Variants in PLCL2 observed in about 807,000 individuals in gnomAD.
PLCL2 encodes the protein phospholipase C like 2.
In PLCL2, 4 loss-of-function variants were observed where a neutral mutation model predicts 79.6. The ratio of observed to expected loss-of-function variants is 0.05; its 90% CI spans 0.02 to 0.11. The LOEUF (loss-of-function observed/expected upper bound fraction) is 0.11. Ranked by LOEUF, PLCL2 falls within the 10% of genes least tolerant of loss-of-function variation. The pLI is 1.00. For missense variants in PLCL2, 895 were observed against 1,291.0 expected, an observed-to-expected ratio of 0.69 and a Z score of 4.70; for synonymous variants, 484 against 457.7, an observed-to-expected ratio of 1.06 and a Z score of -0.73.
intron 1 of PLCL2, among the ~76,000 whole-genome samples, chr3:16,971,403 T>C (rs1169471400): frequency 6.6e-6 from 1 of 152,214 alleles, no homozygotes; most frequent in Admixed American, 6.5e-5. Flanking sequence ...GAGGGCTCTG[T>C]TCTGTTCCAT....
chr3:16,885,349 C>A lies in PLCL2; in HGVS notation c.310C>A (p.Arg104=). The A allele has an allele frequency of 1.5e-6, 1 of 651,026 alleles. No individual in the cohort carries two copies. Among genetic ancestry groups the A allele is most frequent in the Non-Finnish European group, 2.8e-6 (1 of 360,802 alleles). The allele number at this position is 651,026 out of a possible 1,614,324, so 40.3% of individuals were successfully genotyped here. A position where few individuals can be genotyped will look rare whatever the true frequency, so the allele number is the denominator to read the frequency against. ...GAGCAAGCCGGGCGGCCTGCCCCGCCGGAGCAGCATCATCAAGGTAGGTGG... is the reference window on the plus strand; with the variant it reads ...GAGCAAGCCGGGCGGCCTGCCCCGCAGGAGCAGCATCATCAAGGTAGGTGG... ...RESKPGGLPR[R]SSIIKDGTKQ... Residue 104 remains arginine (R), a synonymous_variant, in exon 1 of 6, where the codon CGG becomes AGG. Coordinates refer to ENST00000615277, the MANE Select transcript of PLCL2 (RefSeq NM_001144382.2).
chr3:16,990,114 C>T (rs1022956891), intron 1 of PLCL2, among the ~76,000 whole-genome samples: 2 of 141,388 alleles, frequency 1.4e-5, no homozygotes, highest in Admixed American at 7.1e-5. Context: ...ATGAGGATGA[C>T]GATGACGATG....
intron 3 of PLCL2, among the ~76,000 whole-genome samples, chr3:17,018,831 C>T (rs1008207494): frequency 1.6e-4 from 25 of 152,178 alleles, no homozygotes; most frequent in Non-Finnish European, 3.5e-4. Flanking sequence ...AAGCTCTTAG[C>T]ACGTGCACTG....
chr3:17,033,904 G>C (rs1473757098), intron 3 of PLCL2, among the ~76,000 whole-genome samples: 1 of 152,036 alleles, frequency 6.6e-6, no homozygotes, highest in Non-Finnish European at 1.5e-5. Flanking sequence ...AAATTTTTTA[G>C]TGTTGTGCCC....
At chr3:16,962,172 G>C (rs146437628) in intron 1 of PLCL2, among the ~76,000 whole-genome samples, 1 of 152,244 alleles carries the variant, frequency 6.6e-6, no homozygotes, top group East Asian at 1.9e-4. Context: ...ATAGACAGTT[G>C]AAAGAATAAA....
At chr3:17,086,140 A>G (rs2065217757) in intron 5 of PLCL2, among the ~76,000 whole-genome samples, 1 of 152,246 alleles carries the variant, frequency 6.6e-6, no homozygotes, top group African/African-American at 2.4e-5. Flanking sequence ...CCAACACAAT[A>G]TTAAAGGAGA....
Position 17,010,698 on chromosome 3 carries a change from G to A in PLCL2, c.1352G>A (p.Arg451Gln), listed in dbSNP as rs955480597. The A allele has an allele frequency of 1.2e-6, 2 of 1,614,086 alleles. No homozygotes were observed. Among genetic ancestry groups the A allele is most frequent in the Non-Finnish European group, 8.5e-7 (1 of 1,179,998 alleles). Residue 451 changes from arginine to glutamine, a missense_variant, in exon 2 of 6, where the codon CGA becomes CAA. Arg to Gln is a conservative substitution (Grantham distance 43, BLOSUM62 1). Coordinates refer to ENST00000615277, the MANE Select transcript of PLCL2 (RefSeq NM_001144382.2). The surrounding 1 kb of genome is among the most constrained non-coding windows in gnomAD (Gnocchi z 5.8). Reference protein sequence around the residue: ...HNTYLIEDQFRGPSDITGYIR... With the variant: ...HNTYLIEDQFQGPSDITGYIR... ...ACATACTTAATAGAGGATCAGTTCC[G>A]AGGTCCCTCCGACATCACAGGATAT...
At chr3:16,970,151 G>A (rs1400423091) in intron 1 of PLCL2, among the ~76,000 whole-genome samples, 1 of 151,498 alleles carries the variant, frequency 6.6e-6, no homozygotes, top group Non-Finnish European at 1.5e-5. Flanking sequence ...ATGCTGGTAT[G>A]CTGCACCCAT....
intron 1 of PLCL2, among the ~76,000 whole-genome samples, chr3:16,980,864 G>C (rs908798999): frequency 1.3e-4 from 20 of 152,230 alleles, no homozygotes; most frequent in African/African-American, 4.8e-4. Flanking sequence ...CTGAGTGAAC[G>C]AGACTCCGTC....
chr3:16,904,236 C>T (rs994812545), intron 1 of PLCL2, among the ~76,000 whole-genome samples: 1 of 150,202 alleles, frequency 6.7e-6, no homozygotes, highest in Non-Finnish European at 1.5e-5. Context: ...GTTGACTGCC[C>T]GCACAGTTGT....
At chr3:16,980,490 C>T (rs1380446562) in intron 1 of PLCL2, among the ~76,000 whole-genome samples, 2 of 150,520 alleles carry the variant, frequency 1.3e-5, no homozygotes, top group Non-Finnish European at 3.0e-5. Context: ...CTCCTCACAT[C>T]CCGGACGGGG....
intron 1 of PLCL2, among the ~76,000 whole-genome samples, chr3:16,920,797 A>T (rs964914532): frequency 1.3e-5 from 2 of 152,212 alleles, no homozygotes; most frequent in Non-Finnish European, 2.9e-5. Flanking sequence ...TACAACCACT[A>T]CTACGTGAGA....
At chr3:16,911,881 T>C (rs1229678812) in intron 1 of PLCL2, among the ~76,000 whole-genome samples, 1 of 152,238 alleles carries the variant, frequency 6.6e-6, no homozygotes, top group Non-Finnish European at 1.5e-5. Context: ...AACAGCACCT[T>C]TGCTTTCAGT....
intron 3 of PLCL2, among the ~76,000 whole-genome samples, chr3:17,037,174 CA>C (rs2064666940): frequency 6.6e-6 from 1 of 152,120 alleles, no homozygotes; most frequent in Admixed American, 6.6e-5. Context: ...CCCTGGAGTC[CA>C]GAGAAGCAAG....
chr3:16,889,373 T>C (rs1461692454), intron 1 of PLCL2, among the ~76,000 whole-genome samples: 1 of 152,192 alleles, frequency 6.6e-6, no homozygotes, highest in Non-Finnish European at 1.5e-5. Flanking sequence ...TTGGATTTGA[T>C]TGCCCTCTTT....
At chr3:16,979,279 C>A (rs2063956316) in intron 1 of PLCL2, among the ~76,000 whole-genome samples, 1 of 151,758 alleles carries the variant, frequency 6.6e-6, no homozygotes, top group South Asian at 2.1e-4. Flanking sequence ...CATATATGAA[C>A]CCTATTTAAA....
intron 1 of PLCL2, among the ~76,000 whole-genome samples, chr3:16,993,816 C>T (rs80179156): frequency 0.018 from 2,686 of 152,274 alleles, 93 homozygotes; most frequent in African/African-American, 0.061. Context: ...AAAACTACTA[C>T]GCAGTGTGTA....
At chr3:16,999,591 T>C (rs1009980800) in intron 1 of PLCL2, among the ~76,000 whole-genome samples, 2 of 152,322 alleles carry the variant, frequency 1.3e-5, no homozygotes, top group South Asian at 2.1e-4. Flanking sequence ...TTTTGATGGC[T>C]ATTTTACAGG....
At chr3:16,980,649 A>G (rs1048296163) in intron 1 of PLCL2, among the ~76,000 whole-genome samples, 9 of 150,214 alleles carry the variant, frequency 6.0e-5, no homozygotes, top group African/African-American at 2.2e-4. Flanking sequence ...CTCACTTTCC[A>G]GACTGGGCAG....
Sources: allele counts gnomAD v4.1 joint callset (sites outside exome capture counted in the v4.1 genomes callset), GRCh38; gene constraint gnomAD v4.1.1; non-coding constraint Gnocchi (gnomAD v3.1); transcripts MANE v1.5; gene names NCBI Gene and HGNC (gene_info 2026-07-23, HGNC 2026-07-21).